Variants in NEMF observed in about 807,000 individuals in gnomAD.
NEMF encodes the protein ribosome quality control complex subunit NEMF.
In NEMF, 89 loss-of-function variants were observed where a neutral mutation model predicts 162.2. The ratio of observed to expected loss-of-function variants is 0.55; its 90% CI spans 0.46 to 0.65. NEMF has a LOEUF of 0.65. Among genes scored for constraint, NEMF ranks in the 30% least tolerant of loss-of-function variants. The pLI is 0.00. For missense variants in NEMF, 1,133 were observed against 1,261.9 expected (o/e 0.90, Z 1.55); for synonymous variants, 421 against 404.5 (o/e 1.04, Z -0.49).
intron 22 of NEMF, among the ~76,000 whole-genome samples, chr14:49,801,888 A>C (rs1004004106): frequency 2.0e-5 from 3 of 152,192 alleles, no homozygotes; most frequent in African/African-American, 7.2e-5. Flanking sequence ...TGCATTACCC[A>C]TTAAATACTG....
intron 32 of NEMF, 89 bp downstream of exon 32, chr14:49,784,832 AAGAC>A (rs1258786599): frequency 1.4e-6 from 2 of 1,403,304 alleles, no homozygotes; most frequent in African/African-American, 2.9e-5. Context: ...TGCTTCTAAT[AAGAC>A]AGCATTTTCT....
chr14:49,813,293 A>G (rs1272967511), intron 18 of NEMF, among the ~76,000 whole-genome samples: 1 of 152,228 alleles, frequency 6.6e-6, no homozygotes, highest in African/African-American at 2.4e-5. Flanking sequence ...GGGATGCTCA[A>G]CTGGTAAGTA....
At chr14:49,849,355 G>A (rs760193609) in intron 3 of NEMF, among the ~76,000 whole-genome samples, 22 of 152,330 alleles carry the variant, frequency 1.4e-4, no homozygotes, top group Non-Finnish European at 2.6e-4. Flanking sequence ...CATATTTAAA[G>A]CTTGTTTCAT....
chr14:49,833,399 T>G (rs1163485380), intron 8 of NEMF, 24 bp downstream of exon 8: 4 of 1,412,792 alleles, frequency 2.8e-6, no homozygotes, highest in Middle Eastern at 2.4e-4. Flanking sequence ...CACAACAATA[T>G]ATAGTAAGTA....
At position 49,828,784 on chromosome 14, in the gene NEMF, T is replaced by C. The variant is rs1183179658; in HGVS notation, c.1256A>G (p.Glu419Gly). The change falls in exon 14 of 33, where the codon GAG (glutamate) becomes GGG (glycine). Residue 419 changes from glutamate (E) to glycine (G), a missense_variant. This residue lies in a region of NEMF where 582 missense variants were observed against 631.5 expected (regional missense o/e 0.92). Transcript: ENST00000298310. The stretch of plus-strand genomic sequence containing the variant: ...GTCACCATCAACATCATCATCTTCC[T>C]CCTCTGATAACAAGTATGGATTTCT... ...LLRNPYLLSE[E>G]EDDDVDGDVN... 1 of 1,549,348 alleles carries C rather than the reference T, an allele frequency of 6.5e-7. No individual in the cohort carries two copies. Among genetic ancestry groups the C allele is most frequent in the African/African-American group, 1.4e-5 (1 of 72,450 alleles).
chr14:49,808,094 T>C (rs560450372), intron 18 of NEMF, among the ~76,000 whole-genome samples: 20 of 152,312 alleles, frequency 1.3e-4, no homozygotes, highest in African/African-American at 4.6e-4. Flanking sequence ...TCATCAGATA[T>C]ATGATTTGCA....
chr14:49,817,252 G>A (rs1164169082), intron 16 of NEMF, among the ~76,000 whole-genome samples: 1 of 152,086 alleles, frequency 6.6e-6, no homozygotes, highest in Non-Finnish European at 1.5e-5. Context: ...AGACCAGCCT[G>A]GCCAACATGA....
At position 49,783,253 on chromosome 14, in the gene NEMF, T is replaced by C. The variant is rs1889997705; in HGVS notation, c.*1383A>G. On this transcript the variant is annotated 3_prime_UTR_variant, in exon 33 of 33. Transcript: ENST00000298310. ...TGTATCTGTAGAAACATTATAGTCT[T>C]ACCATCATCAAAATGCTGAAGTCAT... 4.7e-6 allele frequency: 1 copy of C among 210,718 alleles called. No individual in the cohort carries two copies. The highest frequency in any genetic ancestry group is 1.8e-4 in the South Asian group (1 of 5,606). 13.1% of individuals were successfully genotyped at this position (210,718 alleles called of 1,614,324 possible).
chr14:49,789,430 C>T lies in NEMF; in HGVS notation c.2697+66G>A, dbSNP rs147518475. On this transcript the variant is annotated intron_variant, in intron 27 of 32. Transcript: ENST00000298310. ...AAGAATGTATTGAATGCCTGTCATA[C>T]GCTAGGCAGTGGGCTAGATGCCCAT... 4,555 of 1,608,780 alleles carry T rather than the reference C, an allele frequency of 2.8e-3. 7 individuals are homozygous for T. The highest frequency in any genetic ancestry group is 3.4e-3 in the Non-Finnish European group (3,975 of 1,176,400).
At position 49,800,637 on chromosome 14, in the gene NEMF, C is replaced by T; in HGVS notation, c.2155G>A (p.Glu719Lys). The change falls in exon 23 of 33, where the codon GAA becomes AAA. Residue 719 changes from glutamate to lysine, a missense_variant. Physicochemically the swap from Glu to Lys is moderately conservative, Grantham distance 56. This residue lies in a region of NEMF where 532 missense variants were observed against 578.6 expected (regional missense o/e 0.92). Transcript: ENST00000298310. ...TCTTGGTCAACCTGAGTCATGAGTT[C>T]TACTTCCACAGGAGTTTCATGTTCT... ...KEEHETPVEV[E>K]LMTQVDQEDI... 2 of 1,613,914 alleles carry T rather than the reference C, an allele frequency of 1.2e-6. No individual in the cohort carries two copies. Among genetic ancestry groups the T allele is most frequent in the Non-Finnish European group, 1.7e-6 (2 of 1,179,884 alleles).
At position 49,793,744 on chromosome 14, in the gene NEMF, A is replaced by T. The variant is rs528308101; in HGVS notation, c.2619+2047T>A. On this transcript the variant is annotated intron_variant, in intron 26 of 32. Transcript: ENST00000298310. ...TCGTTGCGTACCCATAATTTTTTTT[A>T]GGATAAATTCCTATAAGAGGAATTG... Among the ~76,000 whole-genome samples, 183 of 152,214 alleles carry T rather than the reference A, an allele frequency of 1.2e-3. 1 individual carries two copies. The Middle Eastern group carries it at 0.017, about 14-fold the overall frequency.
In NEMF at chr14:49,835,987, T is replaced by A. The variant is rs186539330; in HGVS notation, c.575-1538A>T. Among the ~76,000 whole-genome samples the A allele has an allele frequency of 5.5e-4, 83 of 151,328 alleles. 1 individual carries two copies. In the East Asian group the frequency reaches 0.013, roughly 24 times the overall value. ...CAGACATTCTCTCTTCATAGAAGAC[T>A]CAATGTAGTTAAAACGGCAATTCTC... On this transcript the variant is annotated intron_variant, in intron 6 of 32. Coordinates refer to ENST00000298310, the MANE Select transcript of NEMF (RefSeq NM_004713.6).
At chr14:49,805,955 T>C (rs1165006543) in intron 19 of NEMF, 66 bp downstream of exon 19, 3 of 1,022,382 alleles carry the variant, frequency 2.9e-6, no homozygotes, top group East Asian at 2.5e-5. Context: ...TTTACTTCTA[T>C]ACTCTCAAAA....
At chr14:49,788,186 G>A (rs1045011695) in intron 28 of NEMF, among the ~76,000 whole-genome samples, 3 of 144,722 alleles carry the variant, frequency 2.1e-5, no homozygotes, top group Admixed American at 1.5e-4. Context: ...GGCTGAGGCC[G>A]GATAATTGCT....
chr14:49,844,921 A>G (rs7494420), intron 4 of NEMF: 3,865 of 217,548 alleles, frequency 0.018, 142 homozygotes, highest in African/African-American at 0.081. Flanking sequence ...GGCACGCACC[A>G]CCACACCAGG....
intron 6 of NEMF, among the ~76,000 whole-genome samples, chr14:49,835,061 G>C (rs532014068): frequency 1.3e-5 from 2 of 152,028 alleles, no homozygotes; most frequent in Non-Finnish European, 2.9e-5. Flanking sequence ...TTAGCCAGGC[G>C]TGGTGGCACA....
intron 4 of NEMF, among the ~76,000 whole-genome samples, chr14:49,843,613 G>A (rs961914972): frequency 6.6e-6 from 1 of 152,230 alleles, no homozygotes; most frequent in African/African-American, 2.4e-5. Flanking sequence ...ACGTAATAGA[G>A]TATACTTACA....
At chr14:49,812,677 G>T (rs1287554386) in intron 18 of NEMF, among the ~76,000 whole-genome samples, 1 of 151,968 alleles carries the variant, frequency 6.6e-6, no homozygotes, top group Non-Finnish European at 1.5e-5. Context: ...TATAACTGTG[G>T]TATTTAATTT....
chr14:49,841,152 G>A (rs140971303), intron 4 of NEMF, among the ~76,000 whole-genome samples: 190 of 129,900 alleles, frequency 1.5e-3, no homozygotes, highest in African/African-American at 5.6e-3. Context: ...AGTTGAGATC[G>A]CACCACTGCA....
Sources: allele counts gnomAD v4.1 joint callset (sites outside exome capture counted in the v4.1 genomes callset), GRCh38; gene constraint gnomAD v4.1.1; regional missense constraint gnomAD v4.1.1; transcripts MANE v1.5; gene names NCBI Gene and HGNC (gene_info 2026-07-23, HGNC 2026-07-21).